The following CNTNAP3B variants were observed in gnomAD, a reference collection of about 807,000 sequenced individuals.
CNTNAP3B encodes contactin-associated protein-like 3B.
In CNTNAP3B, 25 loss-of-function variants were observed where a neutral mutation model predicts 108.9. The ratio of observed to expected loss-of-function variants is 0.23; its 90% CI spans 0.17 to 0.32. The LOEUF (loss-of-function observed/expected upper bound fraction) is 0.32. CNTNAP3B is among the 10% of genes least tolerant of loss of function. The probability of loss-of-function intolerance (pLI) is 1.00; values close to 1 mark genes in which losing one functional copy is unlikely to be tolerated. For synonymous variants in CNTNAP3B, 103 were observed against 473.4 expected (o/e 0.22, Z 10.16); for missense variants, 252 against 1,210.4 (o/e 0.21, Z 11.75).
chr9:41,977,910 C>T (rs559838085), intron 9 of CNTNAP3B, among the ~76,000 whole-genome samples: 14 of 142,704 alleles, frequency 9.8e-5, no homozygotes, highest in South Asian at 4.5e-4. Context: ...GGATTACAGG[C>T]GTGAGCCACT....
intron 1 of CNTNAP3B, among the ~76,000 whole-genome samples, chr9:42,116,273 G>T (rs1394687279): frequency 3.0e-5 from 4 of 133,754 alleles, no homozygotes; most frequent in African/African-American, 1.2e-4. Flanking sequence ...CAGCCAGAGA[G>T]AAAGGTCGGG....
Position 42,098,957 on chromosome 9 carries a change from C to T in CNTNAP3B, c.196+5672G>A, listed in dbSNP as rs1384317000. On this transcript the variant is annotated intron_variant, in intron 2 of 23. Transcript: ENST00000377561. ...TGGGCAAATGCTTACCTGCCCACAT[C>T]CGAAGGGCTGGTGCACCCAGAGTCG... Among the ~76,000 whole-genome samples, 2 of 135,864 alleles carry T rather than the reference C, an allele frequency of 1.5e-5. 1 individual carries two copies. The highest frequency in any genetic ancestry group is 5.9e-5 in the African/African-American group (2 of 33,952). 89.1% of individuals were successfully genotyped at this position (135,864 alleles called of 152,430 possible). A position where few individuals can be genotyped will look rare whatever the true frequency, so the allele number is the denominator to read the frequency against.
chr9:42,124,756 TC>T lies in CNTNAP3B; in HGVS notation c.85+4253del, dbSNP rs781437415. Among the ~76,000 whole-genome samples the T allele has an allele frequency of 2.1e-3, 268 of 125,778 alleles. 31 individuals carry two copies. Among genetic ancestry groups the T allele is most frequent in the Middle Eastern group, 3.7e-3 (1 of 272 alleles). The allele number at this position is 125,778 out of a possible 152,430, so 82.5% of individuals were successfully genotyped here. ...ATACAGATGTCCTAGGCAATAAACT[TC>T]CCAAAAAGAATGGAGAACAATCCCA... On this transcript the variant is annotated intron_variant, in intron 1 of 23. Transcript: ENST00000377561.
chr9:42,120,159 A>G (rs1201294043), intron 1 of CNTNAP3B, among the ~76,000 whole-genome samples: 1 of 148,182 alleles, frequency 6.7e-6, no homozygotes, highest in Non-Finnish European at 1.5e-5. Context: ...TCAAAAAGTG[A>G]GCAAAGGATA....
chr9:42,071,975 T>TC (rs1827387396), intron 3 of CNTNAP3B, among the ~76,000 whole-genome samples: 1 of 149,048 alleles, frequency 6.7e-6, no homozygotes, highest in South Asian at 2.1e-4. Context: ...CTATTTGACA[T>TC]CCGAAAGGAA....
At chr9:41,961,959 G>A in intron 11 of CNTNAP3B, among the ~76,000 whole-genome samples, 2 of 152,288 alleles carry the variant, frequency 1.3e-5, no homozygotes, top group Non-Finnish European at 2.9e-5. Context: ...GTATATGTCT[G>A]GTAGGATTCA....
intron 3 of CNTNAP3B, among the ~76,000 whole-genome samples, chr9:42,053,649 C>T (rs1826999369): frequency 7.1e-6 from 1 of 141,468 alleles, no homozygotes; most frequent in African/African-American, 2.8e-5. Context: ...AGATGACAAA[C>T]GTTTGGGGGT....
At chr9:41,894,370 C>A (rs1823383726) in intron 23 of CNTNAP3B, among the ~76,000 whole-genome samples, 1 of 94,704 alleles carries the variant, frequency 1.1e-5, no homozygotes, top group Non-Finnish European at 2.0e-5. Flanking sequence ...TAAAGTGATC[C>A]TCTCACCTTG....
chr9:42,056,091 C>T (rs1300541320), intron 3 of CNTNAP3B, among the ~76,000 whole-genome samples: 1 of 125,002 alleles, frequency 8.0e-6, no homozygotes, highest in Non-Finnish European at 1.7e-5. Context: ...TTATTTTTAA[C>T]CTGAGCATTA....
At chr9:41,925,927 T>G (rs1823806005) in intron 15 of CNTNAP3B, among the ~76,000 whole-genome samples, 2 of 152,276 alleles carry the variant, frequency 1.3e-5, no homozygotes, top group Non-Finnish European at 2.9e-5. Context: ...AAAATGGTGT[T>G]TAGAAGCCCA....
chr9:42,024,772 G>A (rs1214606235), intron 3 of CNTNAP3B, among the ~76,000 whole-genome samples: 1 of 145,006 alleles, frequency 6.9e-6, no homozygotes, highest in Non-Finnish European at 1.5e-5. Context: ...TCCTCATTAT[G>A]TCAATTTTGC....
chr9:42,112,303 G>A (rs1828207967), intron 1 of CNTNAP3B, among the ~76,000 whole-genome samples: 1 of 139,638 alleles, frequency 7.2e-6, no homozygotes. Flanking sequence ...TTACTCTTCT[G>A]AAATACTGAG....
intron 11 of CNTNAP3B, among the ~76,000 whole-genome samples, chr9:41,961,254 A>G (rs1825081260): frequency 6.6e-6 from 1 of 152,308 alleles, no homozygotes; most frequent in Non-Finnish European, 1.5e-5. Context: ...TATCTTCAAT[A>G]GACAATCTTT....
intron 3 of CNTNAP3B, among the ~76,000 whole-genome samples, chr9:42,020,515 G>T: frequency 6.9e-6 from 1 of 144,130 alleles, no homozygotes; most frequent in Non-Finnish European, 1.5e-5. Flanking sequence ...CTTTATAAAA[G>T]TTCAGGGTAT....
At chr9:42,036,428 A>G (rs1826632604) in intron 3 of CNTNAP3B, among the ~76,000 whole-genome samples, 2 of 139,596 alleles carry the variant, frequency 1.4e-5, no homozygotes, top group South Asian at 4.6e-4. Flanking sequence ...TGTCATGGAA[A>G]TCTTTCTATG....
chr9:42,071,222 AGCTGTGTACGT>A (rs1366827561), intron 3 of CNTNAP3B, among the ~76,000 whole-genome samples: 3 of 146,280 alleles, frequency 2.1e-5, no homozygotes, highest in African/African-American at 7.9e-5. Context: ...GGGCAGTGGG[AGCTGTGTACGT>A]GCGTGTCTGC....
chr9:42,067,606 G>GT (rs1336487255), intron 3 of CNTNAP3B, among the ~76,000 whole-genome samples: 2 of 151,068 alleles, frequency 1.3e-5, no homozygotes, highest in African/African-American at 4.9e-5. Flanking sequence ...TTTATACATA[G>GT]TTTATAACTG....
In CNTNAP3B at chr9:42,098,385, A is replaced by C. The variant is rs1827952181; in HGVS notation, c.196+6244T>G. 5.3e-5 allele frequency among the ~76,000 whole-genome samples: 6 copies of C among 112,990 alleles called. 1 individual carries two copies. The South Asian group carries it at 1.8e-3, about 35-fold the overall frequency. The allele number at this position is 112,990 out of a possible 152,430, so 74.1% of individuals were successfully genotyped here. ...TCAGGAGATTGAGACCATCCTGGCT[A>C]ACATGGTGAAACCCCTTCTCTACTA... On this transcript the variant is annotated intron_variant, in intron 2 of 23. Coordinates refer to ENST00000377561, the MANE Select transcript of CNTNAP3B (RefSeq NM_001201380.3).
chr9:41,941,827 GAT>G (rs1177470281), intron 13 of CNTNAP3B, among the ~76,000 whole-genome samples: 1 of 151,214 alleles, frequency 6.6e-6, no homozygotes. Context: ...TAGAGTGGGG[GAT>G]ACGCCTTAGA....
Sources: gnomAD v4.1 joint callset for allele counts (sites outside exome capture counted in the v4.1 genomes callset) on GRCh38, gnomAD v4.1.1 for gene constraint, MANE v1.5 for transcripts, NCBI Gene and HGNC (gene_info 2026-07-23, HGNC 2026-07-21) for gene names.